Variants in CCNY observed in about 807,000 individuals in gnomAD.
The protein encoded by CCNY is cyclin Y, also known as cyclin-Y.
CCNY carries 19 observed loss-of-function variants against 42.8 expected under a neutral mutation model. That is an observed-to-expected ratio of 0.44 (90% CI 0.31 to 0.65). CCNY has a LOEUF of 0.65. Ranked by LOEUF, CCNY falls within the 30% of genes least tolerant of loss-of-function variation. CCNY has a pLI of 0.07. For missense variants in CCNY, 370 were observed against 437.3 expected (o/e 0.85, Z 1.37); for synonymous variants, 165 against 162.7 (o/e 1.01, Z -0.11).
At chr10:35,553,744 G>A (rs1055991966) in intron 8 of CCNY, among the ~76,000 whole-genome samples, 5 of 152,252 alleles carry the variant, frequency 3.3e-5, no homozygotes, top group East Asian at 1.9e-4. Flanking sequence ...GGAGGGCATC[G>A]CCCTTGGGGG....
chr10:35,440,025 G>A (rs898799967), intron 1 of CCNY, among the ~76,000 whole-genome samples: 1 of 152,158 alleles, frequency 6.6e-6, no homozygotes, highest in African/African-American at 2.4e-5. Flanking sequence ...TGGACCTAGA[G>A]GTGTTGGGGC....
chr10:35,350,624 G>T (rs1836409229), intron 1 of CCNY, among the ~76,000 whole-genome samples: 1 of 152,148 alleles, frequency 6.6e-6, no homozygotes, highest in African/African-American at 2.4e-5. Flanking sequence ...TTGATTCAGG[G>T]GTCTGGCATT....
rs983746285 is a variant in CCNY, at chr10:35,336,646, G to T, written c.-408G>T. ...CCGGCTTGAACCGGAACCTCTTGCC[G>T]AGGCGGCCGCCGTCGCCGCAGCCGC... On this transcript the variant is annotated 5_prime_UTR_variant, in exon 1 of 10. Transcript: ENST00000374704. Among the ~76,000 whole-genome samples the T allele has an allele frequency of 2.7e-5, 4 of 148,070 alleles. No individual in the cohort carries two copies. The highest frequency in any genetic ancestry group is 4.9e-5 in the African/African-American group (2 of 41,122).
chr10:35,485,726 AAAAAAAAAAAAAAC>A (rs1422133373), intron 2 of CCNY, among the ~76,000 whole-genome samples: 34 of 4,906 alleles, frequency 6.9e-3, no homozygotes, highest in East Asian at 0.33. Flanking sequence ...CTCCGTCTCA[AAAAAAAAAAAAAAC>A]AAAAAAAAAA....
At chr10:35,429,881 C>T (rs556541165) in intron 1 of CCNY, among the ~76,000 whole-genome samples, 22 of 152,200 alleles carry the variant, frequency 1.4e-4, no homozygotes, top group East Asian at 3.9e-4. Context: ...ATTATTCAGC[C>T]GCTAACCTTG....
At chr10:35,560,815 C>T (rs1841450958) in intron 8 of CCNY, among the ~76,000 whole-genome samples, 2 of 152,080 alleles carry the variant, frequency 1.3e-5, no homozygotes, top group African/African-American at 4.8e-5. Context: ...TCAGTCTTTC[C>T]CAGTAAAACC....
chr10:35,445,805 A>G (rs1272790908), intron 1 of CCNY, among the ~76,000 whole-genome samples: 2 of 152,216 alleles, frequency 1.3e-5, no homozygotes, highest in Admixed American at 1.3e-4. Flanking sequence ...TTTTGAAACA[A>G]TTTCAAACTT....
chr10:35,498,236 G>T (rs1377702361), intron 2 of CCNY, among the ~76,000 whole-genome samples: 3 of 152,158 alleles, frequency 2.0e-5, no homozygotes, highest in Non-Finnish European at 4.4e-5. Flanking sequence ...AGAAGGCTCT[G>T]CCTGTTAAGT....
chr10:35,553,263 A>G (rs1207562257), intron 8 of CCNY, 78 bp downstream of exon 8: 5 of 1,464,306 alleles, frequency 3.4e-6, no homozygotes, highest in South Asian at 1.2e-5. Context: ...TCCTTTTTTA[A>G]TGGTCTGTAT....
rs1026152921 is a variant in CCNY at position 35,355,894 on chromosome 10, G to C, written c.154+18687G>C. ...GTTCTTATGCCATGAACATCTGTCA[G>C]CTTTCCTATCTTAGATTGTTTTTTT... On this transcript the variant is annotated intron_variant, in intron 1 of 9. Coordinates refer to ENST00000374704, the MANE Select transcript of CCNY (RefSeq NM_145012.6). Among the ~76,000 whole-genome samples, 7 of 151,392 alleles carry C rather than the reference G, an allele frequency of 4.6e-5. No homozygotes were observed. In the East Asian group the frequency reaches 1.4e-3, roughly 29 times the overall value.
intron 1 of CCNY, among the ~76,000 whole-genome samples, chr10:35,380,777 C>A (rs1363615786): frequency 6.6e-6 from 1 of 152,252 alleles, no homozygotes; most frequent in Admixed American, 6.5e-5. Flanking sequence ...TTCACCCTCT[C>A]TGCTGCACTG....
intron 1 of CCNY, among the ~76,000 whole-genome samples, chr10:35,400,888 A>T (rs1395856587): frequency 6.6e-6 from 1 of 152,204 alleles, no homozygotes; most frequent in Non-Finnish European, 1.5e-5. Flanking sequence ...GTGTTTTTTA[A>T]TAGTAGGCAC....
intron 7 of CCNY, among the ~76,000 whole-genome samples, chr10:35,547,724 G>A (rs144994547): frequency 9.1e-4 from 139 of 152,176 alleles, no homozygotes; most frequent in African/African-American, 2.6e-3. Flanking sequence ...GTCCCTTGTC[G>A]TCCCTGCAGG....
At chr10:35,365,418 A>G (rs1056320424) in intron 1 of CCNY, among the ~76,000 whole-genome samples, 2 of 152,246 alleles carry the variant, frequency 1.3e-5, no homozygotes, top group Non-Finnish European at 2.9e-5. Context: ...TCCAAATTCA[A>G]AATGAGGAGA....
rs1841654323 is a variant in CCNY at position 35,569,983 on chromosome 10, A to G, written c.*813A>G. 6.5e-6 allele frequency: 1 copy of G among 152,732 alleles called. No individual in the cohort carries two copies. Among genetic ancestry groups the G allele is most frequent in the African/African-American group, 2.4e-5 (1 of 41,388 alleles). 9.5% of individuals were successfully genotyped at this position (152,732 alleles called of 1,614,324 possible). ...TTTCCTGACCTGAAGTTGTTGTTAC[A>G]AAATCAGTCAGACTTTGTGGGCTGA... On this transcript the variant is annotated 3_prime_UTR_variant, in exon 10 of 10. Coordinates refer to ENST00000374704, the MANE Select transcript of CCNY (RefSeq NM_145012.6).
chr10:35,529,277 T>C (rs1452873602), intron 5 of CCNY, among the ~76,000 whole-genome samples: 5 of 152,202 alleles, frequency 3.3e-5, no homozygotes, highest in East Asian at 1.9e-4. Flanking sequence ...CTAGGATACA[T>C]TGATATTCAT....
chr10:35,360,060 C>T (rs1003671416), intron 1 of CCNY, among the ~76,000 whole-genome samples: 2 of 152,196 alleles, frequency 1.3e-5, no homozygotes, highest in Admixed American at 6.5e-5. Context: ...TCGATAATGC[C>T]GCTAGGCACA....
At chr10:35,485,794 A>G (rs1019193213) in intron 2 of CCNY, among the ~76,000 whole-genome samples, 1 of 151,880 alleles carries the variant, frequency 6.6e-6, no homozygotes, top group African/African-American at 2.4e-5. Flanking sequence ...TAGTGACATG[A>G]TAATCAGAGA....
At position 35,481,091 on chromosome 10, in the gene CCNY, T is replaced by C. The variant is rs114222694; in HGVS notation, c.155-2313T>C. The stretch of plus-strand genomic sequence containing the variant: ...GATGTATTTTCTATGCCTACACATA[T>C]TTTCCCCCAAAAGGGTATCATAATG... On this transcript the variant is annotated intron_variant, in intron 1 of 9. Coordinates refer to ENST00000374704, the MANE Select transcript of CCNY (RefSeq NM_145012.6). Among the ~76,000 whole-genome samples, 335 of 152,338 alleles carry C rather than the reference T, an allele frequency of 2.2e-3. 1 individual carries two copies. Among genetic ancestry groups the C allele is most frequent in the African/African-American group, 7.7e-3 (319 of 41,568 alleles).
Sources: allele counts gnomAD v4.1 joint callset (sites outside exome capture counted in the v4.1 genomes callset), GRCh38; gene constraint gnomAD v4.1.1; transcripts MANE v1.5; gene names NCBI Gene and HGNC (gene_info 2026-07-23, HGNC 2026-07-21).